The following ASH1L variants were observed in gnomAD, a reference collection of about 807,000 sequenced individuals.
The protein encoded by ASH1L is ASH1 like histone lysine methyltransferase.
A neutral mutation model predicts 269.0 loss-of-function variants in ASH1L; 23 were observed. That is an observed-to-expected ratio of 0.09 (90% CI 0.06 to 0.12). The LOEUF is 0.12. Among genes scored for constraint, ASH1L ranks in the 10% least tolerant of loss-of-function variants. ASH1L has a pLI of 1.00. For synonymous variants in ASH1L, 1,187 were observed against 1,253.5 expected, an observed-to-expected ratio of 0.95 and a Z score of 1.12; for missense variants, 2,912 against 3,567.8, an observed-to-expected ratio of 0.82 and a Z score of 4.68.
At chr1:155,496,228 A>G (rs1293654678) in intron 2 of ASH1L, among the ~76,000 whole-genome samples, 9 of 152,230 alleles carry the variant, frequency 5.9e-5, no homozygotes, top group African/African-American at 2.2e-4. Context: ...CTAAAACACA[A>G]ACAAACATTA....
intron 5 of ASH1L, among the ~76,000 whole-genome samples, chr1:155,418,674 C>T (rs1251764432): frequency 1.3e-5 from 2 of 152,018 alleles, no homozygotes; most frequent in Non-Finnish European, 2.9e-5. Flanking sequence ...AAAGCATAAC[C>T]TCAGAGTTAG....
At position 155,521,191 on chromosome 1, in the gene ASH1L, G is replaced by A. The variant is rs2148843013; in HGVS notation, c.329C>T (p.Pro110Leu). 6.2e-7 allele frequency: 1 copy of A among 1,614,002 alleles called. No individual in the cohort carries two copies. The highest frequency in any genetic ancestry group is 8.5e-7 in the Non-Finnish European group (1 of 1,179,982). Reference protein sequence around the residue: ...PKNLENYVCRPAIKTTIKHPR... With the variant: ...PKNLENYVCRLAIKTTIKHPR... ...GTGCTTAATAGTTGTTTTTATGGCA[G>A]GTCGACATACATAGTTCTCCAAGTT... The change falls in exon 2 of 28, where the codon CCT (proline) becomes CTT (leucine). Residue 110 changes from proline to leucine, a missense_variant. Transcript: ENST00000392403.
intron 7 of ASH1L, among the ~76,000 whole-genome samples, chr1:155,380,884 C>G (rs1184291197): frequency 6.6e-6 from 1 of 151,852 alleles, no homozygotes; most frequent in African/African-American, 2.4e-5. Context: ...AGGTGGTCCA[C>G]CTGCTTCAGC....
chr1:155,358,171 A>G (rs1019099839), intron 13 of ASH1L, among the ~76,000 whole-genome samples: 1 of 152,144 alleles, frequency 6.6e-6, no homozygotes, highest in Non-Finnish European at 1.5e-5. Flanking sequence ...ATTTGCATAT[A>G]GGGGAAAACA....
rs1360407259 is a variant in ASH1L, at chr1:155,478,376, G to T, written c.4494C>A (p.Pro1498=). The part of the protein sequence containing the change: ...KHREHRSSEQ[P]QVSMDTGSSR... ...AAGAGCCAGTGTCCATAGAAACCTG[G>T]GGTTGTTCAGAAGAACGGTGTTCTC... Residue 1498 remains proline (P), a synonymous_variant, in exon 3 of 28, where the codon CCC becomes CCA. Transcript: ENST00000392403. The surrounding 1 kb of genome is among the most constrained non-coding windows in gnomAD (Gnocchi z 4.6). The T allele has an allele frequency of 6.2e-7, 1 of 1,614,038 alleles. No individual in the cohort carries two copies.
At chr1:155,366,995 T>C (rs1655489834) in intron 12 of ASH1L, among the ~76,000 whole-genome samples, 1 of 145,972 alleles carries the variant, frequency 6.9e-6, no homozygotes. Context: ...TTTGGTTTTT[T>C]TTTTTTTTTT....
intron 5 of ASH1L, among the ~76,000 whole-genome samples, chr1:155,418,578 T>C (rs1292396334): frequency 6.6e-6 from 1 of 152,048 alleles, no homozygotes; most frequent in Non-Finnish European, 1.5e-5. Context: ...AAAAACCAGA[T>C]ATACAATGAT....
intron 2 of ASH1L, among the ~76,000 whole-genome samples, chr1:155,495,341 CT>C (rs1667073929): frequency 6.6e-6 from 1 of 152,076 alleles, no homozygotes; most frequent in African/African-American, 2.4e-5. Flanking sequence ...ATGATATAGC[CT>C]GCCACACACC....
At chr1:155,458,952 CTT>C (rs368224681) in intron 4 of ASH1L, among the ~76,000 whole-genome samples, 13 of 134,514 alleles carry the variant, frequency 9.7e-5, no homozygotes, top group African/African-American at 1.4e-4. Flanking sequence ...CATCCTCTCT[CTT>C]TTTTTTTTTT....
In ASH1L at chr1:155,509,858, T is replaced by G. The variant is rs527316017; in HGVS notation, c.420+11242A>C. On this transcript the variant is annotated intron_variant, in intron 2 of 27. Coordinates refer to ENST00000392403, the MANE Select transcript of ASH1L (RefSeq NM_018489.3). Reference sequence around the variant, plus strand: ...AACCATGTAGCCATTTGGAAAGAGATAAATTTGGAACCATAACTCATAAAC... The same window carrying G: ...AACCATGTAGCCATTTGGAAAGAGAGAAATTTGGAACCATAACTCATAAAC... Among the ~76,000 whole-genome samples the G allele has an allele frequency of 6.6e-5, 10 of 152,204 alleles. No individual in the cohort carries two copies. The South Asian group carries it at 1.7e-3, about 25-fold the overall frequency.
chr1:155,546,285 C>T (rs1390605524), intron 1 of ASH1L, among the ~76,000 whole-genome samples: 2 of 150,368 alleles, frequency 1.3e-5, no homozygotes, highest in Admixed American at 6.7e-5. Context: ...GAGCCGATAT[C>T]GTGCCACTGC....
chr1:155,362,792 T>G (rs1655081827), intron 12 of ASH1L, among the ~76,000 whole-genome samples: 1 of 152,178 alleles, frequency 6.6e-6, no homozygotes, highest in Non-Finnish European at 1.5e-5. Context: ...ATATAGCAAT[T>G]AAGTGGCATT....
intron 1 of ASH1L, among the ~76,000 whole-genome samples, chr1:155,551,548 T>G (rs1571141898): frequency 7.1e-6 from 1 of 141,606 alleles, no homozygotes; most frequent in Non-Finnish European, 1.5e-5. Flanking sequence ...TAGTCCCAGC[T>G]ACTTGGGAGG....
At chr1:155,464,078 C>T (rs1430882682) in intron 3 of ASH1L, among the ~76,000 whole-genome samples, 1 of 152,078 alleles carries the variant, frequency 6.6e-6, no homozygotes, top group Non-Finnish European at 1.5e-5. Flanking sequence ...CAGTTTTTTC[C>T]CAAGGGAGAA....
Position 155,357,731 on chromosome 1 carries a change from A to T in ASH1L, c.6814T>A (p.Phe2272Ile). Residue 2272 changes from phenylalanine (F) to isoleucine (I), a missense_variant, in exon 14 of 28, where the codon TTT (phenylalanine) becomes ATT (isoleucine). Phe to Ile is a conservative substitution (Grantham distance 21). Coordinates refer to ENST00000392403, the MANE Select transcript of ASH1L (RefSeq NM_018489.3). ...VEKQQLCKCG[F>I]EKCRGIIGGK... is the part of the protein sequence containing the mutation. ...CCGATGATTCCTCGACATTTCTCAAAGCCACACTTACAAAGTTGCTTTGAA... is the reference window on the plus strand; with the variant it reads ...CCGATGATTCCTCGACATTTCTCAATGCCACACTTACAAAGTTGCTTTGAA... 6.2e-7 allele frequency: 1 copy of T among 1,612,724 alleles called. No homozygotes were observed. Among genetic ancestry groups the T allele is most frequent in the Non-Finnish European group, 8.5e-7 (1 of 1,179,668 alleles).
chr1:155,370,611 G>A lies in ASH1L; in HGVS notation c.6579C>T (p.His2193=). The change falls in exon 12 of 28, where the codon CAC becomes CAT. Residue 2193 remains histidine (H), a synonymous_variant. Coordinates refer to ENST00000392403, the MANE Select transcript of ASH1L (RefSeq NM_018489.3). ...TCCCACTATCCAGGTTCAGGCAGTA[G>A]TGGTCACTGTGATTATGATACTGCT... ...MIEQYHNHSD[H]YCLNLDSGMV... 1 of 1,614,172 alleles carries A rather than the reference G, an allele frequency of 6.2e-7. No individual in the cohort carries two copies. The highest frequency in any genetic ancestry group is 8.5e-7 in the Non-Finnish European group (1 of 1,180,038).
intron 6 of ASH1L, among the ~76,000 whole-genome samples, chr1:155,399,395 C>T (rs1388469787): frequency 6.6e-6 from 1 of 151,952 alleles, no homozygotes; most frequent in Non-Finnish European, 1.5e-5. Context: ...GTAATCCAAG[C>T]ACTTTGGGAA....
intron 5 of ASH1L, among the ~76,000 whole-genome samples, chr1:155,423,690 G>C (rs533733083): frequency 6.6e-6 from 1 of 152,290 alleles, no homozygotes; most frequent in African/African-American, 2.4e-5. Context: ...TGATGGCTTT[G>C]CAAAATTCCT....
rs1558075618 is a variant in ASH1L at position 155,411,586 on chromosome 1, A to ATATATATATATATATATATATATAT, written c.6008+4157_6008+4158insATATATATATATATATATATATATA. Reference sequence around the variant, plus strand: ...AAATATGAATATAAATAAATAAATAAATATATATATATATATATATATATA... The same window carrying ATATATATATATATATATATATATAT: ...AAATATGAATATAAATAAATAAATAATATATATATATATATATATATATATATATATATATATATATATATATATA... On this transcript the variant is annotated intron_variant, in intron 6 of 27. Transcript: ENST00000392403. Among the ~76,000 whole-genome samples the ATATATATATATATATATATATATAT allele has an allele frequency of 6.2e-4, 34 of 55,108 alleles. 1 individual carries two copies. The highest frequency in any genetic ancestry group is 1.7e-3 in the South Asian group (2 of 1,184). 36.2% of individuals were successfully genotyped at this position (55,108 alleles called of 152,430 possible). A position where few individuals can be genotyped will look rare whatever the true frequency, so the allele number is the denominator to read the frequency against.
Sources: allele counts gnomAD v4.1 joint callset (sites outside exome capture counted in the v4.1 genomes callset), GRCh38; gene constraint gnomAD v4.1.1; non-coding constraint Gnocchi (gnomAD v3.1); transcripts MANE v1.5; gene names NCBI Gene and HGNC (gene_info 2026-07-23, HGNC 2026-07-21).